The following RPL3 variants were observed in gnomAD, a reference collection of about 807,000 sequenced individuals.
The protein encoded by RPL3 is large ribosomal subunit protein uL3.
RPL3 carries 3 observed loss-of-function variants against 46.0 expected under a neutral mutation model. The ratio of observed to expected loss-of-function variants is 0.07; its 90% CI spans 0.03 to 0.17. The LOEUF (loss-of-function observed/expected upper bound fraction) is 0.17. Among genes scored for constraint, RPL3 ranks in the 10% least tolerant of loss-of-function variants. The pLI, the probability that RPL3 is intolerant of heterozygous loss-of-function variation, is 1.00. For synonymous variants in RPL3, 224 were observed against 190.8 expected (o/e 1.17, Z -1.43); for missense variants, 387 against 532.7 (o/e 0.73, Z 2.69).
chr22:39,313,007 C>CAA, intron 9 of RPL3, 23 bp from the exon 10 acceptor site: 1 of 1,614,020 alleles, frequency 6.2e-7, no homozygotes, highest in South Asian at 1.1e-5. Flanking sequence ...AGGCAGTGGT[C>CAA]AGAGGTAGAA....
At chr22:39,315,053 G>C (rs1383317784) in intron 5 of RPL3, 3 of 723,298 alleles carry the variant, frequency 4.1e-6, no homozygotes, top group African/African-American at 1.8e-5. Flanking sequence ...GCTTTTTAAG[G>C]CATCCATTAG....
chr22:39,319,269 A>T, intron 1 of RPL3: 1 of 513,526 alleles, frequency 1.9e-6, no homozygotes, highest in Non-Finnish European at 3.6e-6. Flanking sequence ...CAAGCAGGTT[A>T]TGGGCCCTAA....
Position 39,318,611 on chromosome 22 carries a change from A to G in RPL3, c.4-19T>C. The G allele has an allele frequency of 6.3e-7, 1 of 1,586,192 alleles. No homozygotes were observed. Among genetic ancestry groups the G allele is most frequent in the Non-Finnish European group, 8.6e-7 (1 of 1,165,892 alleles). On this transcript the variant is annotated intron_variant, in intron 1 of 9. Coordinates refer to ENST00000216146, the MANE Select transcript of RPL3 (RefSeq NM_000967.4). Reference sequence around the variant, plus strand: ...TGTGAGACTAGGTGGGAAAAAAATCACCGTCAGCACCCAAACCAAAGCAGT... The same window carrying G: ...TGTGAGACTAGGTGGGAAAAAAATCGCCGTCAGCACCCAAACCAAAGCAGT...
chr22:39,313,259 A>G lies in RPL3; in HGVS notation c.1099T>C (p.Phe367Leu). The change falls in exon 9 of 10, where the codon TTC (phenylalanine) becomes CTC (leucine). Residue 367 changes from phenylalanine (F) to leucine (L), a missense_variant. Transcript: ENST00000216146. ...RRALEKIDLK[F>L]IDTTSKFGHG... is the part of the protein sequence containing the mutation. ...CCAAACTTGGAGGTGGTGTCAATGA[A>G]CTTAAGGTCAATCTTCTCCAGAGCC... 1 of 1,612,664 alleles carries G rather than the reference A, an allele frequency of 6.2e-7. No individual in the cohort carries two copies. Among genetic ancestry groups the G allele is most frequent in the Non-Finnish European group, 8.5e-7 (1 of 1,179,446 alleles).
chr22:39,317,308 T>A (rs891233509), intron 3 of RPL3, 153 bp downstream of exon 3: 1 of 867,060 alleles, frequency 1.2e-6, no homozygotes, highest in Non-Finnish European at 1.7e-6. Flanking sequence ...GCTGGCCAAG[T>A]CTGATCCCAG....
At chr22:39,316,952 G>C (rs770180858) in intron 3 of RPL3, 111 bp from the exon 4 acceptor site, 3 of 1,548,206 alleles carry the variant, frequency 1.9e-6, no homozygotes, top group Non-Finnish European at 1.8e-6. Context: ...GCTCATTGCC[G>C]GCTTCTAAGG....
intron 1 of RPL3, chr22:39,318,918 G>A: frequency 2.1e-6 from 1 of 479,866 alleles, no homozygotes; most frequent in Middle Eastern, 3.2e-4. Flanking sequence ...AATTAGCAAG[G>A]TTTTGACCGC....
At chr22:39,314,919 T>C in intron 5 of RPL3, 73 bp from the exon 6 acceptor site, 2 of 1,563,904 alleles carry the variant, frequency 1.3e-6, no homozygotes, top group Non-Finnish European at 1.7e-6. Context: ...ACTCAGCAAT[T>C]ACCAACCATG....
chr22:39,314,286 G>C lies in RPL3; in HGVS notation c.850-78C>G. ...ACATGCCAGTGTGCTGACCTGCAAA[G>C]CACGCTAGAAGGCAGCTGAGGCCTC... On this transcript the variant is annotated intron_variant, in intron 6 of 9. Coordinates refer to ENST00000216146, the MANE Select transcript of RPL3 (RefSeq NM_000967.4). 3 of 1,278,884 alleles carry C rather than the reference G, an allele frequency of 2.3e-6. No individual in the cohort carries two copies. In the South Asian group the frequency reaches 3.6e-5, roughly 15 times the overall value. 79.2% of individuals were successfully genotyped at this position (1,278,884 alleles called of 1,614,324 possible).
rs779372664 is a variant in RPL3, at chr22:39,319,623, G to C, written c.-26C>G. On this transcript the variant is annotated 5_prime_UTR_variant, in exon 1 of 10. Coordinates refer to ENST00000216146, the MANE Select transcript of RPL3 (RefSeq NM_000967.4). ...CACGCCATCAAATCCCGCCGGTAGA[G>C]GCCGGTCGGCCTTACGGGTCCGCTA... 7.8e-6 allele frequency: 12 copies of C among 1,545,842 alleles called. No homozygotes were observed. The highest frequency in any genetic ancestry group is 3.6e-5 in the South Asian group (3 of 84,430).
In RPL3 at chr22:39,314,659, C is replaced by T. The variant is rs7285530; in HGVS notation, c.849+27G>A. The T allele has an allele frequency of 0.053, 85,053 of 1,597,344 alleles. 2,489 individuals are homozygous for T. Among genetic ancestry groups the T allele is most frequent in the African/African-American group, 0.081 (6,041 of 74,644 alleles). On this transcript the variant is annotated intron_variant, in intron 6 of 9. Coordinates refer to ENST00000216146, the MANE Select transcript of RPL3 (RefSeq NM_000967.4). ...CCCATCACGGGGGCCTCTTCCCACC[C>T]CCAGGGAGCCACTCTCAGAACCTCA... is the stretch of plus-strand genomic sequence containing the variant.
intron 9 of RPL3, 75 bp from the exon 10 acceptor site, chr22:39,313,059 G>A: frequency 6.2e-7 from 1 of 1,609,478 alleles, no homozygotes; most frequent in Admixed American, 1.7e-5. Context: ...AGGAGACCAA[G>A]ACTCTGGGCC....
At chr22:39,318,998 T>C (rs1407045675) in intron 1 of RPL3, 2 of 539,248 alleles carry the variant, frequency 3.7e-6, no homozygotes, top group East Asian at 1.1e-4. Flanking sequence ...CTGCCTCCGG[T>C]GCCCGGACAC....
intron 9 of RPL3, 49 bp from the exon 10 acceptor site, chr22:39,313,033 C>T (rs377348432): frequency 8.1e-6 from 13 of 1,612,922 alleles, no homozygotes; most frequent in Non-Finnish European, 1.1e-5. Context: ...CAGGTGACAG[C>T]AGATGCCCAC....
chr22:39,314,734 T>C lies in RPL3; in HGVS notation c.801A>G (p.Ala267=). 1 of 1,613,546 alleles carries C rather than the reference T, an allele frequency of 6.2e-7. No homozygotes were observed. The highest frequency in any genetic ancestry group is 1.1e-5 in the South Asian group (1 of 91,040). ...GATGGTAGCCTTTCTGCCCAGCGCG[T>C]GCCACAGAGAAGGCTACACGAGCAG... ...WHPARVAFSV[A]RAGQKGYHHR... The change falls in exon 6 of 10, where the codon GCA becomes GCG. Residue 267 remains alanine, a synonymous_variant. Coordinates refer to ENST00000216146, the MANE Select transcript of RPL3 (RefSeq NM_000967.4).
chr22:39,318,247 A>G, intron 2 of RPL3, 153 bp downstream of exon 2: 1 of 711,826 alleles, frequency 1.4e-6, no homozygotes, highest in Non-Finnish European at 2.3e-6. Flanking sequence ...TTTCAAGTTA[A>G]GCATTCCCAT....
Position 39,314,736 on chromosome 22 carries a change from C to G in RPL3, c.799G>C (p.Ala267Pro). 6.2e-7 allele frequency: 1 copy of G among 1,613,694 alleles called. No individual in the cohort carries two copies. Residue 267 changes from alanine (A) to proline (P), a missense_variant, in exon 6 of 10, where the codon GCA (alanine) becomes CCA (proline). By Grantham distance (27) the Ala-to-Pro change is conservative. This residue lies in a region of RPL3 where 131 missense variants were observed against 185.1 expected (regional missense o/e 0.71). Coordinates refer to ENST00000216146, the MANE Select transcript of RPL3 (RefSeq NM_000967.4). ...TGGTAGCCTTTCTGCCCAGCGCGTG[C>G]CACAGAGAAGGCTACACGAGCAGGA... ...WHPARVAFSV[A>P]RAGQKGYHHR...
intron 8 of RPL3, 57 bp downstream of exon 8, chr22:39,313,577 G>T: frequency 6.5e-7 from 1 of 1,531,910 alleles, no homozygotes; most frequent in Non-Finnish European, 9.0e-7. Flanking sequence ...CAGCGTCTGT[G>T]GCCTTGGATC....
rs1714821294 is a variant in RPL3 at position 39,318,431 on chromosome 22, G to A, written c.165C>T (p.His55=). The part of the protein sequence containing the change: ...AFLGYKAGMT[H]IVREVDRPGS... ...CCGGCCTGTCGACTTCCCGCACGAT[G>A]TGAGTCATGCCAGCCTTGTATCCCA... The change falls in exon 2 of 10, where the codon CAC becomes CAT. Residue 55 remains histidine (H), a synonymous_variant. Coordinates refer to ENST00000216146, the MANE Select transcript of RPL3 (RefSeq NM_000967.4). 4 of 1,614,032 alleles carry A rather than the reference G, an allele frequency of 2.5e-6. No individual in the cohort carries two copies. Among genetic ancestry groups the A allele is most frequent in the Admixed American group, 3.3e-5 (2 of 59,998 alleles).
Sources: allele counts gnomAD v4.1 joint callset, GRCh38; gene constraint gnomAD v4.1.1; regional missense constraint gnomAD v4.1.1; transcripts MANE v1.5; gene names NCBI Gene and HGNC (gene_info 2026-07-23, HGNC 2026-07-21).